Variants in RNF168 observed in about 807,000 individuals in gnomAD.
RNF168 encodes ring finger protein 168.
Under a neutral mutation model 34.9 loss-of-function variants are expected in RNF168, and 34 were observed. The ratio of observed to expected loss-of-function variants is 0.97; its 90% CI spans 0.74 to 1.30. RNF168 has a LOEUF of 1.30. Ranked by LOEUF, RNF168 falls within the 50% of genes most tolerant of loss-of-function variation. The pLI, the probability that RNF168 is intolerant of heterozygous loss-of-function variation, is 0.00. For synonymous variants in RNF168, 264 were observed against 254.7 expected, an observed-to-expected ratio of 1.04 and a Z score of -0.35; for missense variants, 725 against 682.5, an observed-to-expected ratio of 1.06 and a Z score of -0.69.
chr3:196,481,019 A>G (rs1273548167), intron 4 of RNF168, among the ~76,000 whole-genome samples: 3 of 152,162 alleles, frequency 2.0e-5, no homozygotes, highest in Non-Finnish European at 4.4e-5. Flanking sequence ...TTAAAGTTAC[A>G]TTTTACAATT....
chr3:196,474,311 A>AT (rs1732088771), intron 5 of RNF168, among the ~76,000 whole-genome samples: 1 of 129,390 alleles, frequency 7.7e-6, no homozygotes, highest in African/African-American at 2.9e-5. Flanking sequence ...TTTTTTTGGT[A>AT]TTTTTAGTAG....
At chr3:196,477,516 T>C (rs146217855) in intron 4 of RNF168, among the ~76,000 whole-genome samples, 47 of 152,340 alleles carry the variant, frequency 3.1e-4, no homozygotes, top group African/African-American at 1.1e-3. Flanking sequence ...TCTGTTAACT[T>C]TGAAGAACAA....
chr3:196,487,451 T>A lies in RNF168; in HGVS notation c.506A>T (p.Glu169Val), dbSNP rs1219020198. 1 of 1,614,220 alleles carries A rather than the reference T, an allele frequency of 6.2e-7. No individual in the cohort carries two copies. The highest frequency in any genetic ancestry group is 8.5e-7 in the Non-Finnish European group (1 of 1,180,006). ...TTCCTCATCACTTTTCAGTTGTTCT[T>A]CCATCGCTCTTCGCCTTTTTTCTGC... ...RQAEKRRRAM[E>V]EQLKSDEELA... Residue 169 changes from glutamate (E) to valine (V), a missense_variant, in exon 3 of 6, where the codon GAA (glutamate) becomes GTA (valine). Glu to Val is a moderately radical substitution (Grantham distance 121). Transcript: ENST00000318037.
In RNF168 at chr3:196,503,481, C is replaced by T; in HGVS notation, c.-308G>A. On this transcript the variant is annotated 5_prime_UTR_variant, in exon 1 of 6. Transcript: ENST00000318037. ...CTCCGCGGCATGAACACCGCGGCTG[C>T]GGCTCCCGGGGCAGCGAGGGGAACG... The T allele has an allele frequency of 2.4e-6, 1 of 409,272 alleles. No individual in the cohort carries two copies. Among genetic ancestry groups the T allele is most frequent in the Non-Finnish European group, 4.6e-6 (1 of 217,984 alleles). 25.4% of individuals were successfully genotyped at this position (409,272 alleles called of 1,614,324 possible).
chr3:196,499,252 G>C (rs1732823642), intron 1 of RNF168, among the ~76,000 whole-genome samples: 1 of 152,044 alleles, frequency 6.6e-6, no homozygotes, highest in Non-Finnish European at 1.5e-5. Flanking sequence ...AATGGAGGCA[G>C]AGACTGGAGT....
At chr3:196,490,092 C>G (rs1450751358) in intron 1 of RNF168, among the ~76,000 whole-genome samples, 1 of 152,180 alleles carries the variant, frequency 6.6e-6, no homozygotes, top group Non-Finnish European at 1.5e-5. Context: ...CAGAGCTTTT[C>G]TCCTGGGCCT....
intron 1 of RNF168, among the ~76,000 whole-genome samples, chr3:196,490,992 A>C (rs770711322): frequency 2.0e-5 from 3 of 152,212 alleles, no homozygotes; most frequent in Non-Finnish European, 2.9e-5. Flanking sequence ...TTTTCAGGGA[A>C]ACTGCAGAGT....
intron 4 of RNF168, among the ~76,000 whole-genome samples, chr3:196,481,681 CGTTTTTT>C (rs1320060443): frequency 1.4e-4 from 13 of 90,754 alleles, no homozygotes; most frequent in Non-Finnish European, 2.5e-4. Flanking sequence ...TTTTCAGCTG[CGTTTTTT>C]TTTTTTTTTT....
chr3:196,488,955 G>A (rs557993148), intron 1 of RNF168, among the ~76,000 whole-genome samples: 68 of 151,022 alleles, frequency 4.5e-4, no homozygotes, highest in Non-Finnish European at 8.8e-4. Context: ...AGGTTCAAGC[G>A]ATTCTCCTGC....
At chr3:196,473,937 G>C (rs1350958026) in intron 5 of RNF168, among the ~76,000 whole-genome samples, 1 of 152,020 alleles carries the variant, frequency 6.6e-6, no homozygotes, top group South Asian at 2.1e-4. Context: ...AAGACCCCTG[G>C]AAGCTAGACC....
chr3:196,492,944 C>T (rs981438045), intron 1 of RNF168, among the ~76,000 whole-genome samples: 40 of 151,658 alleles, frequency 2.6e-4, no homozygotes, highest in Admixed American at 3.9e-4. Context: ...AGATGCCTAC[C>T]TCATACAATA....
rs1003745814 is a variant in RNF168 at position 196,469,164 on chromosome 3, A to G, written c.*2655T>C. 3.3e-5 allele frequency: 5 copies of G among 152,190 alleles called. No homozygotes were observed. Among genetic ancestry groups the G allele is most frequent in the Admixed American group, 3.3e-4 (5 of 15,264 alleles). The allele number at this position is 152,190 out of a possible 1,614,324, so 9.4% of individuals were successfully genotyped here. On this transcript the variant is annotated 3_prime_UTR_variant, in exon 6 of 6. Transcript: ENST00000318037. ...AGATAACGTTTAATTTGAGGCATTCAAGAATGTCCACCCTAAAACTGAAAG... is the reference window on the plus strand; with the variant it reads ...AGATAACGTTTAATTTGAGGCATTCGAGAATGTCCACCCTAAAACTGAAAG...
Position 196,472,180 on chromosome 3 carries a change from T to C in RNF168, c.1355A>G (p.Gln452Arg). The C allele has an allele frequency of 6.2e-7, 1 of 1,614,122 alleles. No homozygotes were observed. Among genetic ancestry groups the C allele is most frequent in the Non-Finnish European group, 8.5e-7 (1 of 1,179,970 alleles). ...QEEQDRLLAL[Q>R]LQKEVDKEQM... is the part of the protein sequence containing the mutation. Reference sequence around the variant, plus strand: ...CTCTTTATCCACCTCCTTCTGAAGTTGTAATGCCAATAACCTGTCCTGTTC... The same window carrying C: ...CTCTTTATCCACCTCCTTCTGAAGTCGTAATGCCAATAACCTGTCCTGTTC... The change falls in exon 6 of 6, where the codon CAA becomes CGA. Residue 452 changes from glutamine (Q) to arginine (R), a missense_variant. Transcript: ENST00000318037.
chr3:196,472,047 A>G lies in RNF168; in HGVS notation c.1488T>C (p.Asp496=). 2 of 1,613,748 alleles carry G rather than the reference A, an allele frequency of 1.2e-6. No individual in the cohort carries two copies. The highest frequency in any genetic ancestry group is 1.7e-6 in the Non-Finnish European group (2 of 1,179,858). ...TGTGAGTTTGCCTTTTGAAGTTCCC[A>G]TCTTTGGGATTCTTCCTCTGTCCAT... ...VLNGQRKNPK[D]GNFKRQTHTK... Residue 496 remains aspartate, a synonymous_variant, in exon 6 of 6, where the codon GAT becomes GAC. Coordinates refer to ENST00000318037, the MANE Select transcript of RNF168 (RefSeq NM_152617.4).
At position 196,472,672 on chromosome 3, in the gene RNF168, T is replaced by C. The variant is rs2108644190; in HGVS notation, c.863A>G (p.Gln288Arg). 1.2e-6 allele frequency: 2 copies of C among 1,605,582 alleles called. No individual in the cohort carries two copies. The highest frequency in any genetic ancestry group is 2.2e-5 in the East Asian group (1 of 44,656). Reference sequence around the variant, plus strand: ...GGACTCTATTGAAGAATCTGCACCTTGTTCTCCAACTCCAAGGGATATCTG... The same window carrying C: ...GGACTCTATTGAAGAATCTGCACCTCGTTCTCCAACTCCAAGGGATATCTG... The part of the protein sequence containing the change: ...SPQISLGVGE[Q>R]GADSSIESPM... Residue 288 changes from glutamine to arginine, a missense_variant, in exon 6 of 6, where the codon CAA becomes CGA. By Grantham distance (43) the Gln-to-Arg change is conservative (BLOSUM62 1). Transcript: ENST00000318037.
chr3:196,478,450 C>T (rs993751916), intron 4 of RNF168, among the ~76,000 whole-genome samples: 1 of 152,160 alleles, frequency 6.6e-6, no homozygotes, highest in Non-Finnish European at 1.5e-5. Flanking sequence ...CCATACATCA[C>T]GTTCCCTTTT....
intron 1 of RNF168, among the ~76,000 whole-genome samples, chr3:196,500,823 G>A (rs533639050): frequency 1.3e-5 from 2 of 151,244 alleles, no homozygotes; most frequent in Admixed American, 6.6e-5. Context: ...GCCATTCTCC[G>A]GCCTCAGCCT....
In RNF168 at chr3:196,503,638, G is replaced by C. The variant is rs568176706; in HGVS notation, c.-465C>G. ...ATAACTTCCGCTTTACCGCTGCTGC[G>C]GGGGAGACGCGCGACTCCCGTGTTC... On this transcript the variant is annotated 5_prime_UTR_variant, in exon 1 of 6. Transcript: ENST00000318037. 2 of 220,834 alleles carry C rather than the reference G, an allele frequency of 9.1e-6. No homozygotes were observed. The highest frequency in any genetic ancestry group is 5.4e-5 in the South Asian group (1 of 18,468). The allele number at this position is 220,834 out of a possible 1,614,324, so 13.7% of individuals were successfully genotyped here.
In RNF168 at chr3:196,487,536, C is replaced by A; in HGVS notation, c.421G>T (p.Ala141Ser). 1 of 1,614,190 alleles carries A rather than the reference C, an allele frequency of 6.2e-7. No individual in the cohort carries two copies. Among genetic ancestry groups the A allele is most frequent in the Non-Finnish European group, 8.5e-7 (1 of 1,180,024 alleles). ...RRASEEEENKASEEYIQRLLA... is the reference protein window; with the variant it reads ...RRASEEEENKSSEEYIQRLLA... ...AACCTCTGTATGTATTCTTCACTGGCTTTGTTTTCTTCTTCCTCGCTGGCC... is the reference window on the plus strand; with the variant it reads ...AACCTCTGTATGTATTCTTCACTGGATTTGTTTTCTTCTTCCTCGCTGGCC... The change falls in exon 3 of 6, where the codon GCC becomes TCC. Residue 141 changes from alanine (A) to serine (S), a missense_variant. Transcript: ENST00000318037.
Sources: allele counts gnomAD v4.1 joint callset (sites outside exome capture counted in the v4.1 genomes callset), GRCh38; gene constraint gnomAD v4.1.1; transcripts MANE v1.5; gene names NCBI Gene and HGNC (gene_info 2026-07-23, HGNC 2026-07-21).